Variants in ANO3 observed in about 807,000 individuals in gnomAD.
The protein encoded by ANO3 is anoctamin-3.
Under a neutral mutation model 144.8 loss-of-function variants are expected in ANO3, and 99 were observed. That is an observed-to-expected ratio of 0.68 (90% CI 0.58 to 0.81). ANO3 has a LOEUF of 0.81. Ranked by LOEUF, ANO3 falls within the 30% of genes least tolerant of loss-of-function variation. The pLI is 0.00. For synonymous variants in ANO3, 414 were observed against 392.6 expected (o/e 1.05, Z -0.64); for missense variants, 905 against 1,202.2 (o/e 0.75, Z 3.66).
chr11:26,544,210 G>A (rs1405807627), intron 11 of ANO3, among the ~76,000 whole-genome samples: 1 of 134,146 alleles, frequency 7.5e-6, no homozygotes, highest in Non-Finnish European at 1.6e-5. Context: ...GCAAATGACA[G>A]GATCTTCTCC....
chr11:26,633,105 G>T (rs1852838001), intron 18 of ANO3, among the ~76,000 whole-genome samples: 1 of 152,084 alleles, frequency 6.6e-6, no homozygotes, highest in South Asian at 2.1e-4. Context: ...GCATGTGTTG[G>T]TGTATGTTTT....
chr11:26,561,300 T>C, intron 14 of ANO3: 3 of 1,114,682 alleles, frequency 2.7e-6, no homozygotes, highest in Non-Finnish European at 3.7e-6. Flanking sequence ...CACCAAGTTA[T>C]AGGAATTATT....
chr11:26,327,624 C>A (rs1854921071), upstream of ANO3, among the ~76,000 whole-genome samples: 4 of 152,094 alleles, frequency 2.6e-5, no homozygotes, highest in South Asian at 8.3e-4. Context: ...AAATATGGAG[C>A]CCCTTGAATG....
intron 1 of ANO3, among the ~76,000 whole-genome samples, chr11:26,239,790 G>C (rs1852620165): frequency 6.6e-6 from 1 of 152,124 alleles, no homozygotes; most frequent in Admixed American, 6.6e-5. Flanking sequence ...AAATAATGAA[G>C]AAGATCCCAA....
At chr11:26,430,531 C>T (rs759680493) in intron 1 of ANO3, among the ~76,000 whole-genome samples, 2 of 151,948 alleles carry the variant, frequency 1.3e-5, no homozygotes, top group African/African-American at 2.4e-5. Context: ...AAATACTTGA[C>T]ATCAATAAAA....
intron 1 of ANO3, among the ~76,000 whole-genome samples, chr11:26,423,464 CATT>C (rs1857817856): frequency 6.6e-6 from 1 of 151,230 alleles, no homozygotes; most frequent in South Asian, 2.1e-4. Context: ...AATGAATAAA[CATT>C]AGTCTTGAAA....
chr11:26,578,405 T>C (rs1178221875), intron 14 of ANO3, among the ~76,000 whole-genome samples: 2 of 152,134 alleles, frequency 1.3e-5, no homozygotes, highest in Non-Finnish European at 2.9e-5. Context: ...ATCACTTGAG[T>C]GTGCTACATG....
intron 1 of ANO3, among the ~76,000 whole-genome samples, chr11:26,358,730 A>G (rs1855850859): frequency 6.6e-6 from 1 of 151,998 alleles, no homozygotes; most frequent in African/African-American, 2.4e-5. Context: ...CTGGTTACAC[A>G]TGTATTAAGC....
At chr11:26,461,152 A>C (rs1341156232) in intron 3 of ANO3, among the ~76,000 whole-genome samples, 3 of 152,098 alleles carry the variant, frequency 2.0e-5, no homozygotes, top group Admixed American at 1.3e-4. Flanking sequence ...GGGGAAAGGA[A>C]GGAAAGGGGG....
chr11:26,578,378 A>G (rs1851044949), intron 14 of ANO3, among the ~76,000 whole-genome samples: 1 of 152,186 alleles, frequency 6.6e-6, no homozygotes, highest in African/African-American at 2.4e-5. Context: ...ACGTATTGAC[A>G]TAGGAGACAA....
At chr11:26,310,104 C>T (rs1174482962) in intron 1 of ANO3, among the ~76,000 whole-genome samples, 2 of 152,064 alleles carry the variant, frequency 1.3e-5, no homozygotes, top group East Asian at 3.9e-4. Flanking sequence ...ACATTACATA[C>T]TTTTAAAAAA....
intron 4 of ANO3, among the ~76,000 whole-genome samples, chr11:26,478,883 A>T (rs1381887539): frequency 6.6e-6 from 1 of 152,190 alleles, no homozygotes; most frequent in Non-Finnish European, 1.5e-5. Context: ...TTCAGGCTAT[A>T]AAAGCTCACT....
At chr11:26,586,736 T>A (rs557159718) in intron 14 of ANO3, among the ~76,000 whole-genome samples, 1 of 150,272 alleles carries the variant, frequency 6.7e-6, no homozygotes, top group South Asian at 2.1e-4. Context: ...CCTCCTGACC[T>A]CTTGATCCAC....
intron 1 of ANO3, among the ~76,000 whole-genome samples, chr11:26,257,748 C>T (rs1340730280): frequency 6.6e-6 from 1 of 151,298 alleles, no homozygotes. Context: ...GACATAAATA[C>T]ACATAAAAAT....
At chr11:26,423,013 G>A (rs1321007182) in intron 1 of ANO3, among the ~76,000 whole-genome samples, 1 of 151,896 alleles carries the variant, frequency 6.6e-6, no homozygotes, top group Non-Finnish European at 1.5e-5. Flanking sequence ...GAAAACATAG[G>A]GCAGTAGGAA....
intron 13 of ANO3, among the ~76,000 whole-genome samples, chr11:26,558,691 A>C (rs988775718): frequency 6.6e-6 from 1 of 152,122 alleles, no homozygotes; most frequent in African/African-American, 2.4e-5. Flanking sequence ...CATTATAGGA[A>C]AATACATTTT....
intron 18 of ANO3, among the ~76,000 whole-genome samples, chr11:26,633,234 C>G (rs1299694915): frequency 6.6e-6 from 1 of 152,170 alleles, no homozygotes; most frequent in Non-Finnish European, 1.5e-5. Flanking sequence ...GGCTGCAGTA[C>G]AGGCAGTCCT....
intron 17 of ANO3, among the ~76,000 whole-genome samples, chr11:26,614,766 G>A (rs1399443448): frequency 6.6e-6 from 1 of 152,136 alleles, no homozygotes; most frequent in Non-Finnish European, 1.5e-5. Context: ...TTCTGGTAAG[G>A]AAGAGAGAGT....
intron 4 of ANO3, among the ~76,000 whole-genome samples, chr11:26,501,730 C>T (rs1327439030): frequency 6.6e-6 from 1 of 152,128 alleles, no homozygotes; most frequent in Non-Finnish European, 1.5e-5. Context: ...TGAACTATGA[C>T]CATTTCACAA....
Sources: allele counts gnomAD v4.1 joint callset (sites outside exome capture counted in the v4.1 genomes callset), GRCh38; gene constraint gnomAD v4.1.1; transcripts MANE v1.5; gene names NCBI Gene and HGNC (gene_info 2026-07-23, HGNC 2026-07-21).